Variants in KCNIP1 observed in about 807,000 individuals in gnomAD.
KCNIP1 encodes the protein A-type potassium channel modulatory protein KCNIP1.
Under a neutral mutation model 33.0 loss-of-function variants are expected in KCNIP1, and 18 were observed. That is an observed-to-expected ratio of 0.55 (90% CI 0.38 to 0.81). The LOEUF is 0.81. KCNIP1 is among the 30% of genes least tolerant of loss of function. The pLI is 0.00. For synonymous variants in KCNIP1, 93 were observed against 98.3 expected (o/e 0.95, Z 0.32); for missense variants, 238 against 271.6 (o/e 0.88, Z 0.87).
At chr5:170,433,385 C>T (rs1170122274) in intron 1 of KCNIP1, among the ~76,000 whole-genome samples, 1 of 152,122 alleles carries the variant, frequency 6.6e-6, no homozygotes, top group African/African-American at 2.4e-5. Flanking sequence ...TGGGATTTCA[C>T]CATGTTGGTC....
At chr5:170,402,215 G>A (rs1006483018) in intron 1 of KCNIP1, among the ~76,000 whole-genome samples, 10 of 147,904 alleles carry the variant, frequency 6.8e-5, no homozygotes, top group Non-Finnish European at 1.3e-4. Flanking sequence ...TGTCTACAAA[G>A]ACTCTTTTTT....
intron 1 of KCNIP1, chr5:170,681,412 G>A: frequency 6.0e-6 from 2 of 333,236 alleles, no homozygotes; most frequent in Non-Finnish European, 1.1e-5. Context: ...AGGAAGTTAG[G>A]GTCTCCTGCT....
At chr5:170,627,833 A>T (rs939237902) in intron 1 of KCNIP1, among the ~76,000 whole-genome samples, 7 of 152,180 alleles carry the variant, frequency 4.6e-5, no homozygotes, top group Non-Finnish European at 1.5e-5. Context: ...GACAGGGCTG[A>T]AGAGGAGAGG....
At chr5:170,402,267 G>T (rs993473284) in intron 1 of KCNIP1, among the ~76,000 whole-genome samples, 5 of 152,134 alleles carry the variant, frequency 3.3e-5, no homozygotes, top group Admixed American at 3.3e-4. Flanking sequence ...ATTTGGACAT[G>T]GACATATCTT....
chr5:170,488,214 C>G (rs572400710), intron 1 of KCNIP1, among the ~76,000 whole-genome samples: 13 of 152,272 alleles, frequency 8.5e-5, no homozygotes, highest in African/African-American at 3.1e-4. Context: ...CATATTTTTA[C>G]CATTTGATGT....
intron 1 of KCNIP1, among the ~76,000 whole-genome samples, chr5:170,358,895 C>A (rs569716843): frequency 6.6e-6 from 1 of 152,290 alleles, no homozygotes; most frequent in South Asian, 2.1e-4. Flanking sequence ...CCTCTGCACT[C>A]CTAGGGCTGG....
At chr5:170,523,262 C>T (rs971822133) in intron 1 of KCNIP1, among the ~76,000 whole-genome samples, 2 of 152,214 alleles carry the variant, frequency 1.3e-5, no homozygotes, top group South Asian at 2.1e-4. Flanking sequence ...CCTGATCTTG[C>T]GTGCTGCAGA....
rs1242145211 is a variant in KCNIP1, at chr5:170,714,316, GT to G, written c.62-4441del. Among the ~76,000 whole-genome samples, 6 of 152,346 alleles carry G rather than the reference GT, an allele frequency of 3.9e-5. No individual in the cohort carries two copies. The East Asian group carries it at 1.2e-3, about 29-fold the overall frequency. ...AAAGCAGAATCCACTGTGGGGACAT[GT>G]GGAAACCAGATATGATGAAAGGGGC... On this transcript the variant is annotated intron_variant, in intron 1 of 7. Coordinates refer to ENST00000328939, the MANE Select transcript of KCNIP1 (RefSeq NM_014592.4).
chr5:170,495,749 G>A (rs1757297632), intron 1 of KCNIP1, among the ~76,000 whole-genome samples: 1 of 152,342 alleles, frequency 6.6e-6, no homozygotes, highest in Admixed American at 6.5e-5. Flanking sequence ...CAGCTCAAAT[G>A]TGCGGCAGGT....
In KCNIP1 at chr5:170,383,484, A is replaced by C. The variant is rs1313095025; in HGVS notation, c.88+29520A>C. The C allele has an allele frequency of 5.7e-5, 37 of 650,654 alleles. No homozygotes were observed. In the Admixed American group the frequency reaches 7.9e-4, roughly 14 times the overall value. 40.3% of individuals were successfully genotyped at this position (650,654 alleles called of 1,614,324 possible). ...GTGGCCTGCCTATGTTTACACAGCC[A>C]GTTAGCGGCAGATTCAAACCCAGGT... is the stretch of plus-strand genomic sequence containing the variant. On this transcript the variant is annotated intron_variant, in intron 1 of 7. Coordinates refer to the KCNIP1 transcript ENST00000377360.
At chr5:170,529,977 T>A (rs17672975) in intron 1 of KCNIP1, among the ~76,000 whole-genome samples, 1 of 151,986 alleles carries the variant, frequency 6.6e-6, no homozygotes, top group Non-Finnish European at 1.5e-5. Flanking sequence ...AACTCTTCCT[T>A]GAATGCTCCT....
chr5:170,578,575 G>T (rs544588609), intron 1 of KCNIP1, among the ~76,000 whole-genome samples: 1 of 152,322 alleles, frequency 6.6e-6, no homozygotes, highest in Admixed American at 6.5e-5. Context: ...AATCACCGCA[G>T]AGCTGGCAGC....
At chr5:170,484,358 G>A (rs1757038641) in intron 1 of KCNIP1, 1 of 152,226 alleles carries the variant, frequency 6.6e-6, no homozygotes. Context: ...TGTGATAATA[G>A]ACCATTTAGA....
intron 1 of KCNIP1, chr5:170,383,723 C>T (rs199919533): frequency 1.9e-6 from 3 of 1,614,152 alleles, no homozygotes; most frequent in Non-Finnish European, 1.7e-6. Context: ...TACAGCACAG[C>T]CCACCTGCCG....
chr5:170,544,604 T>C (rs1392559769), intron 1 of KCNIP1, among the ~76,000 whole-genome samples: 1 of 152,174 alleles, frequency 6.6e-6, no homozygotes, highest in Non-Finnish European at 1.5e-5. Flanking sequence ...TTGTACTATC[T>C]CTTCTTTCTT....
chr5:170,589,791 T>C (rs73801077), intron 1 of KCNIP1, among the ~76,000 whole-genome samples: 14,695 of 129,198 alleles, frequency 0.11, 1,096 homozygotes, highest in African/African-American at 0.21. Flanking sequence ...TGATGTGATG[T>C]GGTGTGCGGT....
rs530444732 is a variant in KCNIP1 at position 170,558,373 on chromosome 5, A to C, written c.61+53740A>C. Among the ~76,000 whole-genome samples the C allele has an allele frequency of 1.7e-4, 26 of 152,396 alleles. No individual in the cohort carries two copies. In the South Asian group the frequency reaches 4.6e-3, roughly 27 times the overall value. The stretch of plus-strand genomic sequence containing the variant: ...AGCAACATAGTGAGACCCAGTCTCC[A>C]AAAGTAAATAATTTAAGAGAATAAA... On this transcript the variant is annotated intron_variant, in intron 1 of 7. Coordinates refer to ENST00000328939, the MANE Select transcript of KCNIP1 (RefSeq NM_014592.4).
intron 1 of KCNIP1, among the ~76,000 whole-genome samples, chr5:170,364,609 AC>A (rs1332246603): frequency 6.6e-6 from 1 of 151,058 alleles, no homozygotes; most frequent in African/African-American, 2.4e-5. Flanking sequence ...TCCACCAAAT[AC>A]CCCCAGGCTC....
chr5:170,402,501 C>T (rs905366997), intron 1 of KCNIP1, among the ~76,000 whole-genome samples: 7 of 152,150 alleles, frequency 4.6e-5, no homozygotes, highest in Admixed American at 2.0e-4. Context: ...CAGGCTTCTT[C>T]CATCTGTGGC....
Sources: gnomAD v4.1 joint callset for allele counts (sites outside exome capture counted in the v4.1 genomes callset) on GRCh38, gnomAD v4.1.1 for gene constraint, MANE v1.5 for transcripts, NCBI Gene and HGNC (gene_info 2026-07-23, HGNC 2026-07-21) for gene names.